Variants in UCHL1 observed in about 807,000 individuals in gnomAD.
UCHL1 encodes the protein ubiquitin C-terminal hydrolase L1, also known as ubiquitin carboxyl-terminal hydrolase isozyme L1.
A neutral mutation model predicts 33.3 loss-of-function variants in UCHL1; 5 were observed. The observed-to-expected ratio is 0.15, with a 90% CI of 0.08 to 0.32. The LOEUF is 0.32. UCHL1 is among the 10% of genes least tolerant of loss of function. The pLI is 1.00. For synonymous variants in UCHL1, 132 were observed against 108.8 expected (o/e 1.21, Z -1.33); for missense variants, 236 against 280.0 (o/e 0.84, Z 1.12).
chr4:41,259,415 A>G (rs1781035399), intron 3 of UCHL1, among the ~76,000 whole-genome samples: 1 of 152,218 alleles, frequency 6.6e-6, no homozygotes, highest in African/African-American at 2.4e-5. Flanking sequence ...TTAACATTTC[A>G]TCTAATTAGC....
chr4:41,262,700 T>G (rs1781091971), intron 6 of UCHL1, among the ~76,000 whole-genome samples: 1 of 151,898 alleles, frequency 6.6e-6, no homozygotes, highest in Admixed American at 6.6e-5. Context: ...TGATCTTGGC[T>G]CACTGCAGCA....
Position 41,261,710 on chromosome 4 carries a change from T to C in UCHL1, c.326-5T>C. 1 of 1,611,480 alleles carries C rather than the reference T, an allele frequency of 6.2e-7. No homozygotes were observed. ...CTATACTAACACATCCATTTTTTTT[T>C]TAAGAGGATGGATCAGTTCTGAAAC... On this transcript the variant is annotated splice_region_variant and splice_polypyrimidine_tract_variant and intron_variant, in intron 4 of 8. Coordinates refer to ENST00000284440, the MANE Select transcript of UCHL1 (RefSeq NM_004181.5).
chr4:41,261,854 A>G, intron 5 of UCHL1, 22 bp from the exon 6 acceptor site: 2 of 1,614,082 alleles, frequency 1.2e-6, no homozygotes, highest in Non-Finnish European at 1.7e-6. Flanking sequence ...TTTTTGTGCT[A>G]ATTATTTTCT....
intron 4 of UCHL1, 31 bp downstream of exon 4, chr4:41,260,828 A>C: frequency 6.2e-7 from 1 of 1,614,018 alleles, no homozygotes; most frequent in Non-Finnish European, 8.5e-7. Flanking sequence ...CAGCCATCCT[A>C]AGCTTGAACT....
rs138545464 is a variant in UCHL1, at chr4:41,266,145, C to T, written c.586-1842C>T. Among the ~76,000 whole-genome samples, 798 of 151,318 alleles carry T rather than the reference C, an allele frequency of 5.3e-3. 25 individuals carry two copies. In the East Asian group the frequency reaches 0.083, roughly 16 times the overall value. ...CTATGTTGCCCAGGCTGGTCTTTAA[C>T]TCTTGGGCTCAAGTGATCTTCCTGC... is the stretch of plus-strand genomic sequence containing the variant. On this transcript the variant is annotated intron_variant, in intron 8 of 8. Coordinates refer to ENST00000284440, the MANE Select transcript of UCHL1 (RefSeq NM_004181.5).
intron 2 of UCHL1, 148 bp downstream of exon 2, chr4:41,257,274 C>A: frequency 7.8e-7 from 1 of 1,284,780 alleles, no homozygotes; most frequent in Non-Finnish European, 1.1e-6. Flanking sequence ...GGCGCCTTTC[C>A]TGGGCCCCTG....
intron 2 of UCHL1, 132 bp from the exon 3 acceptor site, chr4:41,257,477 A>G: frequency 8.2e-7 from 1 of 1,219,084 alleles, no homozygotes; most frequent in Non-Finnish European, 1.1e-6. Flanking sequence ...TGGGGGTGGC[A>G]GGGCGGGACT....
chr4:41,264,081 A>C, intron 7 of UCHL1, 22 bp from the exon 8 acceptor site: 1 of 1,614,240 alleles, frequency 6.2e-7, no homozygotes, highest in South Asian at 1.1e-5. Flanking sequence ...GAAAATTGAC[A>C]TGCCTGGCTT....
intron 8 of UCHL1, among the ~76,000 whole-genome samples, chr4:41,265,060 C>T (rs1288238591): frequency 6.6e-6 from 1 of 152,192 alleles, no homozygotes; most frequent in East Asian, 1.9e-4. Context: ...TAGACACTCT[C>T]TAAATGAATG....
chr4:41,257,559 C>G, intron 2 of UCHL1, 50 bp from the exon 3 acceptor site: 1 of 1,455,498 alleles, frequency 6.9e-7, no homozygotes, highest in Non-Finnish European at 9.0e-7. Context: ...GGCAGGTGCC[C>G]GCGACCCGCG....
At chr4:41,265,022 A>G (rs1033115930) in intron 8 of UCHL1, among the ~76,000 whole-genome samples, 3 of 152,222 alleles carry the variant, frequency 2.0e-5, no homozygotes, top group Non-Finnish European at 2.9e-5. Context: ...GCAAGTATTC[A>G]GTTCTGCTGT....
At chr4:41,266,023 A>C (rs989372588) in intron 8 of UCHL1, among the ~76,000 whole-genome samples, 2 of 152,190 alleles carry the variant, frequency 1.3e-5, no homozygotes, top group African/African-American at 4.8e-5. Context: ...TACCATAAAA[A>C]TGTGTCCCAC....
intron 6 of UCHL1, among the ~76,000 whole-genome samples, chr4:41,262,765 C>T (rs1484750466): frequency 6.6e-6 from 1 of 152,118 alleles, no homozygotes; most frequent in East Asian, 1.9e-4. Flanking sequence ...CACCACCACA[C>T]CTACTAATTT....
chr4:41,257,446 G>C, intron 2 of UCHL1, 163 bp from the exon 3 acceptor site: 1 of 1,047,994 alleles, frequency 9.5e-7, no homozygotes, highest in South Asian at 2.1e-5. Flanking sequence ...GCTTTGTGCT[G>C]TGTCATTGCG....
chr4:41,257,219 C>T (rs1282251970), intron 2 of UCHL1, 93 bp downstream of exon 2: 1 of 1,594,822 alleles, frequency 6.3e-7, no homozygotes, highest in Non-Finnish European at 8.6e-7. Flanking sequence ...GGGACCAAGC[C>T]GCCCGCTGCG....
chr4:41,257,824 C>A (rs1339953967), intron 3 of UCHL1, 87 bp downstream of exon 3: 20 of 1,497,788 alleles, frequency 1.3e-5, no homozygotes, highest in East Asian at 7.7e-5. Context: ...CGCCCCGCCC[C>A]CTCCCCTGTA....
chr4:41,262,652 A>C (rs1288620901), intron 6 of UCHL1, among the ~76,000 whole-genome samples: 2 of 151,812 alleles, frequency 1.3e-5, no homozygotes, highest in Non-Finnish European at 2.9e-5. Context: ...AAAGTTGACA[A>C]GGTCAGCCTC....
chr4:41,268,419 C>G lies in UCHL1; in HGVS notation c.*346C>G, dbSNP rs1206286800. Reference sequence around the variant, plus strand: ...CCTCAAAAGGAATAAAACTTTTCTGCTGATAAGATAGCCACAGCTGATTCT... The same window carrying G: ...CCTCAAAAGGAATAAAACTTTTCTGGTGATAAGATAGCCACAGCTGATTCT... On this transcript the variant is annotated 3_prime_UTR_variant, in exon 9 of 9. Transcript: ENST00000284440. The G allele has an allele frequency of 2.9e-5, 9 of 311,002 alleles. No homozygotes were observed. The highest frequency in any genetic ancestry group is 1.0e-3 in the Middle Eastern group (1 of 1,004). 19.3% of individuals were successfully genotyped at this position (311,002 alleles called of 1,614,324 possible).
At chr4:41,263,836 C>G (rs1781111813) in intron 7 of UCHL1, among the ~76,000 whole-genome samples, 1 of 152,178 alleles carries the variant, frequency 6.6e-6, no homozygotes, top group South Asian at 2.1e-4. Flanking sequence ...GTTCTGTGGC[C>G]CTTTCCAAGG....
Sources: allele counts gnomAD v4.1 joint callset (sites outside exome capture counted in the v4.1 genomes callset), GRCh38; gene constraint gnomAD v4.1.1; transcripts MANE v1.5; gene names NCBI Gene and HGNC (gene_info 2026-07-23, HGNC 2026-07-21).